Variants in SEC14L5 observed in about 807,000 individuals in gnomAD.
SEC14L5 encodes the protein SEC14-like protein 5.
SEC14L5 carries 96 observed loss-of-function variants against 84.6 expected under a neutral mutation model. That is an observed-to-expected ratio of 1.13 (90% confidence interval 0.96 to 1.34). SEC14L5 has a LOEUF of 1.34. SEC14L5 is among the 40% of genes most tolerant of loss of function. The pLI is 0.00. For synonymous variants in SEC14L5, 546 were observed against 383.4 expected, an observed-to-expected ratio of 1.42 and a Z score of -4.95; for missense variants, 1,224 against 942.5, an observed-to-expected ratio of 1.30 and a Z score of -3.91.
rs1359131759 is a variant in SEC14L5 at position 4,996,395 on chromosome 16, A to G, written c.715A>G (p.Thr239Ala). 6.4e-7 allele frequency: 1 copy of G among 1,571,530 alleles called. No individual in the cohort carries two copies. The stretch of plus-strand genomic sequence containing the variant: ...CATTGAGAGGTGCCTGGGCCACCTC[A>G]CGCCCATGCAGGAGAGCTGCCTGAT... ...DYIERCLGHLTPMQESCLIQL... is the reference protein window; with the variant it reads ...DYIERCLGHLAPMQESCLIQL... The change falls in exon 7 of 16, where the codon ACG becomes GCG. Residue 239 changes from threonine (T) to alanine (A), a missense_variant. By Grantham distance (58) the Thr-to-Ala change is moderately conservative. Transcript: ENST00000251170.
Position 5,008,454 on chromosome 16 carries a change from A to G in SEC14L5, c.1606A>G (p.Ile536Val). 1.2e-6 allele frequency: 2 copies of G among 1,613,504 alleles called. No homozygotes were observed. The highest frequency in any genetic ancestry group is 1.7e-6 in the Non-Finnish European group (2 of 1,179,756). ...GGAGATCCTGGAAGGAGAGTCGGTCATCACCTGGGACTTTGACATCCTGCG... is the reference window on the plus strand; with the variant it reads ...GGAGATCCTGGAAGGAGAGTCGGTCGTCACCTGGGACTTTGACATCCTGCG... ...AVEILEGESVITWDFDILRGD... is the reference protein window; with the variant it reads ...AVEILEGESVVTWDFDILRGD... The change falls in exon 14 of 16, where the codon ATC becomes GTC. Residue 536 changes from isoleucine to valine, a missense_variant. Ile to Val is a conservative substitution (Grantham distance 29). Coordinates refer to ENST00000251170, the MANE Select transcript of SEC14L5 (RefSeq NM_014692.2).
rs750893044 is a variant in SEC14L5 at position 4,990,863 on chromosome 16, G to A, written c.442G>A (p.Ala148Thr). 4 of 1,608,994 alleles carry A rather than the reference G, an allele frequency of 2.5e-6. No individual in the cohort carries two copies. Among genetic ancestry groups the A allele is most frequent in the Non-Finnish European group, 3.4e-6 (4 of 1,177,622 alleles). Residue 148 changes from alanine to threonine, a missense_variant, in exon 5 of 16, where the codon GCC becomes ACC. Transcript: ENST00000251170. ...FGFENALEKIAMKQYTANVKR... is the reference protein window; with the variant it reads ...FGFENALEKITMKQYTANVKR... ...CTTTGAAAATGCCTTGGAGAAGATC[G>A]CCATGAAGCAGTACACCGCCAACGT...
chr16:4,971,738 T>C (rs1307451920), intron 2 of SEC14L5, among the ~76,000 whole-genome samples: 8 of 152,216 alleles, frequency 5.3e-5, no homozygotes, highest in Non-Finnish European at 1.0e-4. Context: ...TTATGTGACT[T>C]AATCTCCCAG....
chr16:5,011,012 G>C, intron 14 of SEC14L5, 83 bp from the exon 15 acceptor site: 1 of 1,355,556 alleles, frequency 7.4e-7, no homozygotes. Context: ...CAGGCCTGGT[G>C]ATGAGAAGCC....
At chr16:4,987,212 T>TG (rs1237782450) in intron 2 of SEC14L5, among the ~76,000 whole-genome samples, 2 of 151,694 alleles carry the variant, frequency 1.3e-5, no homozygotes, top group Non-Finnish European at 2.9e-5. Context: ...TTTTTTTTTT[T>TG]TTTTATCATG....
chr16:4,960,848 C>G (rs1307135681), intron 2 of SEC14L5: 1 of 152,206 alleles, frequency 6.6e-6, no homozygotes, highest in African/African-American at 2.4e-5. Context: ...TTGCAAGTGC[C>G]TGAGTGACTT....
chr16:4,973,562 T>C (rs1396897454), intron 2 of SEC14L5, among the ~76,000 whole-genome samples: 2 of 151,876 alleles, frequency 1.3e-5, no homozygotes, highest in East Asian at 1.9e-4. Context: ...TCTTCAGAAG[T>C]GAAAAGGAAG....
At chr16:4,974,326 C>T (rs1245732612) in intron 2 of SEC14L5, among the ~76,000 whole-genome samples, 5 of 152,026 alleles carry the variant, frequency 3.3e-5, no homozygotes, top group Non-Finnish European at 7.4e-5. Context: ...CCCAGCCTCC[C>T]GAGTAGCTGG....
At chr16:4,996,136 C>T (rs1248960790) in intron 6 of SEC14L5, among the ~76,000 whole-genome samples, 1 of 152,136 alleles carries the variant, frequency 6.6e-6, no homozygotes, top group Non-Finnish European at 1.5e-5. Context: ...CCAGGTTTGC[C>T]TGATGATGCG....
At chr16:4,977,871 G>A (rs1279358363) in intron 2 of SEC14L5, among the ~76,000 whole-genome samples, 1 of 151,458 alleles carries the variant, frequency 6.6e-6, no homozygotes, top group African/African-American at 2.4e-5. Context: ...CATGATCTCG[G>A]CTCACTGCCA....
intron 2 of SEC14L5, among the ~76,000 whole-genome samples, chr16:4,977,374 G>C (rs1282481428): frequency 7.0e-6 from 1 of 143,450 alleles, no homozygotes; most frequent in East Asian, 2.2e-4. Flanking sequence ...TTGAACCCAG[G>C]AGGCGGAGGC....
At chr16:4,975,211 G>T (rs1456782120) in intron 2 of SEC14L5, among the ~76,000 whole-genome samples, 1 of 151,808 alleles carries the variant, frequency 6.6e-6, no homozygotes, top group Non-Finnish European at 1.5e-5. Context: ...ATTTTGTCAC[G>T]CCTGTAATCC....
Position 4,995,624 on chromosome 16 carries a change from C to CTT in SEC14L5, c.668-705_668-704dup, listed in dbSNP as rs36027978. 7.5e-3 allele frequency among the ~76,000 whole-genome samples: 965 copies of CTT among 128,530 alleles called. 28 individuals are homozygous for CTT. The highest frequency in any genetic ancestry group is 0.023 in the African/African-American group (761 of 33,700). 84.3% of individuals were successfully genotyped at this position (128,530 alleles called of 152,430 possible). On this transcript the variant is annotated intron_variant, in intron 6 of 15. Coordinates refer to ENST00000251170, the MANE Select transcript of SEC14L5 (RefSeq NM_014692.2). ...TCAGTTTTATCTTCTCTCTCTCTCT[C>CTT]TTTTTTTTTTTTTTTTTTTTAAGAC...
intron 10 of SEC14L5, among the ~76,000 whole-genome samples, chr16:5,001,646 G>C (rs563243123): frequency 1.4e-4 from 21 of 152,220 alleles, no homozygotes; most frequent in Non-Finnish European, 7.4e-5. Context: ...TCCTCTGCAG[G>C]AACCCACTGT....
In SEC14L5 at chr16:4,987,715, C is replaced by A; in HGVS notation, c.213+9C>A. 1 of 1,497,518 alleles carries A rather than the reference C, an allele frequency of 6.7e-7. No homozygotes were observed. The highest frequency in any genetic ancestry group is 2.2e-5 in the Admixed American group (1 of 45,530). The allele number at this position is 1,497,518 out of a possible 1,614,324, so 92.8% of individuals were successfully genotyped here. A position where few individuals can be genotyped will look rare whatever the true frequency, so the allele number is the denominator to read the frequency against. On this transcript the variant is annotated intron_variant, in intron 3 of 15. Coordinates refer to ENST00000251170, the MANE Select transcript of SEC14L5 (RefSeq NM_014692.2). Reference sequence around the variant, plus strand: ...CGCGGCTGCTGCGGAAGGTGGGCGGCCCTGGGGCTGGGGGGCGGAGGAGGG... The same window carrying A: ...CGCGGCTGCTGCGGAAGGTGGGCGGACCTGGGGCTGGGGGGCGGAGGAGGG...
chr16:4,975,850 G>T (rs949150654), intron 2 of SEC14L5, among the ~76,000 whole-genome samples: 3 of 152,154 alleles, frequency 2.0e-5, no homozygotes, highest in African/African-American at 7.2e-5. Flanking sequence ...CTGCGTAGTG[G>T]CCAGGCCCCC....
intron 12 of SEC14L5, 53 bp from the exon 13 acceptor site, chr16:5,007,299 C>A: frequency 1.3e-6 from 2 of 1,580,544 alleles, no homozygotes; most frequent in South Asian, 1.2e-5. Context: ...GTGGGTCAGG[C>A]CAGCCAGGCC....
chr16:4,995,359 G>A lies in SEC14L5; in HGVS notation c.668-989G>A, dbSNP rs566272907. Among the ~76,000 whole-genome samples, 4 of 152,236 alleles carry A rather than the reference G, an allele frequency of 2.6e-5. No homozygotes were observed. In the South Asian group the frequency reaches 8.3e-4, roughly 32 times the overall value. ...CACTGGCAACATTCCGACTACAACC[G>A]CCCAGTTGTGGGGGACAAGGCTGCA... On this transcript the variant is annotated intron_variant, in intron 6 of 15. Transcript: ENST00000251170.
At position 4,959,398 on chromosome 16, in the gene SEC14L5, C is replaced by A. The variant is rs772882283; in HGVS notation, c.63+12C>A. 2 of 1,612,574 alleles carry A rather than the reference C, an allele frequency of 1.2e-6. No homozygotes were observed. Among genetic ancestry groups the A allele is most frequent in the Middle Eastern group, 1.6e-4 (1 of 6,084 alleles). On this transcript the variant is annotated intron_variant, in intron 2 of 15. Coordinates refer to ENST00000251170, the MANE Select transcript of SEC14L5 (RefSeq NM_014692.2). ...AGCTGGTCATGGCGGTGAGTGACTC[C>A]TGATTCTTGGGCCCCCATGTGACAG...
Sources: gnomAD v4.1 joint callset for allele counts (sites outside exome capture counted in the v4.1 genomes callset) on GRCh38, gnomAD v4.1.1 for gene constraint, MANE v1.5 for transcripts, NCBI Gene and HGNC (gene_info 2026-07-23, HGNC 2026-07-21) for gene names.